Variants in SPOCK3 observed in about 807,000 individuals in gnomAD.
SPOCK3 encodes SPARC (osteonectin), cwcv and kazal like domains proteoglycan 3.
In SPOCK3, 30 loss-of-function variants were observed where a neutral mutation model predicts 56.6. The observed-to-expected ratio is 0.53, with a 90% confidence interval of 0.40 to 0.72. The LOEUF (loss-of-function observed/expected upper bound fraction) is 0.72. Ranked by LOEUF, SPOCK3 falls within the 30% of genes least tolerant of loss-of-function variation. The probability of loss-of-function intolerance (pLI) is 0.00; values close to 1 mark genes in which losing one functional copy is unlikely to be tolerated. For synonymous variants in SPOCK3, 196 were observed against 183.3 expected (o/e 1.07, Z -0.56); for missense variants, 527 against 530.0 (o/e 0.99, Z 0.06).
At chr4:166,746,710 G>A (rs1424258712) in intron 8 of SPOCK3, among the ~76,000 whole-genome samples, 3 of 151,936 alleles carry the variant, frequency 2.0e-5, no homozygotes, top group African/African-American at 2.4e-5. Context: ...TTTTTTGAAA[G>A]GATCAACAAA....
intron 4 of SPOCK3, among the ~76,000 whole-genome samples, chr4:166,970,118 A>T (rs1447940273): frequency 6.6e-6 from 1 of 152,248 alleles, no homozygotes; most frequent in Non-Finnish European, 1.5e-5. Context: ...AACTTTAATT[A>T]TCAGAGGTAA....
intron 6 of SPOCK3, among the ~76,000 whole-genome samples, chr4:166,872,408 A>T (rs1732584331): frequency 6.6e-6 from 1 of 152,140 alleles, no homozygotes; most frequent in Non-Finnish European, 1.5e-5. Context: ...ACTAGCAATG[A>T]CAAACTGAAA....
At chr4:167,143,787 G>A (rs539325056) in intron 2 of SPOCK3, among the ~76,000 whole-genome samples, 1 of 152,040 alleles carries the variant, frequency 6.6e-6, no homozygotes, top group Non-Finnish European at 1.5e-5. Context: ...ACTTCAATGT[G>A]AAACAGGCCA....
intron 3 of SPOCK3, among the ~76,000 whole-genome samples, chr4:167,008,629 A>G (rs1463211133): frequency 6.6e-6 from 1 of 152,166 alleles, no homozygotes; most frequent in African/African-American, 2.4e-5. Flanking sequence ...AAAATGTAGT[A>G]CATGTATACC....
At chr4:166,955,669 TAGAG>T (rs1385204254) in intron 4 of SPOCK3, among the ~76,000 whole-genome samples, 1 of 147,244 alleles carries the variant, frequency 6.8e-6, no homozygotes, top group Non-Finnish European at 1.5e-5. Context: ...TTATAATATA[TAGAG>T]AAATATAAAT....
intron 4 of SPOCK3, among the ~76,000 whole-genome samples, chr4:166,967,974 G>A (rs1042661166): frequency 7.2e-5 from 11 of 152,186 alleles, no homozygotes; most frequent in Non-Finnish European, 1.2e-4. Flanking sequence ...GGGAACTAGC[G>A]TAAAGATCAC....
intron 4 of SPOCK3, among the ~76,000 whole-genome samples, chr4:166,928,311 A>C (rs1392094777): frequency 6.6e-6 from 1 of 152,212 alleles, no homozygotes; most frequent in African/African-American, 2.4e-5. Flanking sequence ...AATTCCAAAA[A>C]CTTGGAAGCA....
intron 6 of SPOCK3, among the ~76,000 whole-genome samples, chr4:166,849,112 CTA>C (rs1748407572): frequency 6.6e-6 from 1 of 152,040 alleles, no homozygotes; most frequent in South Asian, 2.1e-4. Context: ...GTCATTGAGA[CTA>C]TGGGTTGTTG....
At chr4:166,744,069 C>T (rs1448717744) in intron 8 of SPOCK3, among the ~76,000 whole-genome samples, 2 of 152,194 alleles carry the variant, frequency 1.3e-5, no homozygotes, top group Non-Finnish European at 2.9e-5. Context: ...CTTCTGCAGA[C>T]TTAAACGTCC....
intron 6 of SPOCK3, among the ~76,000 whole-genome samples, chr4:166,888,200 T>C (rs1560974983): frequency 6.6e-6 from 1 of 152,130 alleles, no homozygotes; most frequent in Non-Finnish European, 1.5e-5. Flanking sequence ...CATAAGTTTA[T>C]ATTAAAGAAA....
chr4:166,818,947 A>G (rs1264083916), intron 6 of SPOCK3, among the ~76,000 whole-genome samples: 2 of 152,050 alleles, frequency 1.3e-5, no homozygotes, highest in Non-Finnish European at 2.9e-5. Flanking sequence ...ATAATTTGAG[A>G]CATAAAAGTC....
At chr4:167,207,315 A>C (rs1293308767) in intron 2 of SPOCK3, among the ~76,000 whole-genome samples, 1 of 152,046 alleles carries the variant, frequency 6.6e-6, no homozygotes, top group Non-Finnish European at 1.5e-5. Context: ...ACATTCCAAT[A>C]CTACGACTCT....
At chr4:167,234,550 G>C (rs1377988256), upstream of SPOCK3, 3 of 266,358 alleles carry the variant, frequency 1.1e-5, no homozygotes, top group African/African-American at 2.2e-5. Flanking sequence ...CCGCCGTCTC[G>C]AGCCGTCCAC....
At chr4:166,775,304 T>C (rs1246486772) in intron 7 of SPOCK3, among the ~76,000 whole-genome samples, 1 of 152,158 alleles carries the variant, frequency 6.6e-6, no homozygotes, top group Admixed American at 6.6e-5. Context: ...ACTTGCCTTT[T>C]ACCTAGAGAT....
At chr4:166,902,825 G>A (rs1446860722) in intron 5 of SPOCK3, among the ~76,000 whole-genome samples, 1 of 150,710 alleles carries the variant, frequency 6.6e-6, no homozygotes, top group Non-Finnish European at 1.5e-5. Context: ...TAAAAGCTGA[G>A]TAATTTTTTC....
At chr4:167,011,052 T>C (rs546655936) in intron 3 of SPOCK3, among the ~76,000 whole-genome samples, 1 of 151,598 alleles carries the variant, frequency 6.6e-6, no homozygotes, top group African/African-American at 2.4e-5. Flanking sequence ...CAAAGTAAAA[T>C]GATAAAAAGG....
chr4:166,863,399 T>C (rs932897132), intron 6 of SPOCK3, among the ~76,000 whole-genome samples: 2 of 152,084 alleles, frequency 1.3e-5, no homozygotes, highest in South Asian at 2.1e-4. Context: ...AATAACCAGA[T>C]GGCATCATGA....
intron 6 of SPOCK3, among the ~76,000 whole-genome samples, chr4:166,793,144 A>G (rs1741531213): frequency 6.6e-6 from 1 of 152,196 alleles, no homozygotes; most frequent in Non-Finnish European, 1.5e-5. Flanking sequence ...TCCCTTGTGC[A>G]TGCTGTAAAT....
chr4:166,901,333 T>C (rs1418223647), intron 5 of SPOCK3, among the ~76,000 whole-genome samples: 1 of 152,164 alleles, frequency 6.6e-6, no homozygotes, highest in Non-Finnish European at 1.5e-5. Context: ...TGGAGAGCCA[T>C]ATTTGATGCA....
Sources: allele counts gnomAD v4.1 joint callset (sites outside exome capture counted in the v4.1 genomes callset), GRCh38; gene constraint gnomAD v4.1.1; transcripts MANE v1.5; gene names NCBI Gene and HGNC (gene_info 2026-07-23, HGNC 2026-07-21).